LRRC37A2: variants seen among roughly 807,000 people sequenced by gnomAD.
LRRC37A2 encodes leucine rich repeat containing 37 member A2.
In LRRC37A2, 9 loss-of-function variants were observed where a neutral mutation model predicts 68.8. The ratio of observed to expected loss-of-function variants is 0.13; its 90% CI spans 0.08 to 0.23. The LOEUF (loss-of-function observed/expected upper bound fraction) is 0.23. Ranked by LOEUF, LRRC37A2 falls within the 10% of genes least tolerant of loss-of-function variation. LRRC37A2 has a pLI of 1.00. For synonymous variants in LRRC37A2, 63 were observed against 367.6 expected, an observed-to-expected ratio of 0.17 and a Z score of 9.48; for missense variants, 168 against 950.4, an observed-to-expected ratio of 0.18 and a Z score of 10.82.
chr17:46,718,968 T>C, the LRRC37A2 span, among the ~76,000 whole-genome samples: 2 of 152,216 alleles, frequency 1.3e-5, no homozygotes, highest in Non-Finnish European at 1.5e-5. Flanking sequence ...TCAAAACTCT[T>C]AGGTAAAAAA....
At chr17:46,835,401 C>T in the LRRC37A2 span, among the ~76,000 whole-genome samples, 3 of 152,034 alleles carry the variant, frequency 2.0e-5, no homozygotes, top group Non-Finnish European at 4.4e-5. Context: ...TTATTAGAGA[C>T]AGGGTTTCAC....
chr17:46,878,171 A>C, the LRRC37A2 span, among the ~76,000 whole-genome samples: 1 of 152,352 alleles, frequency 6.6e-6, no homozygotes. Flanking sequence ...GATGCCACCC[A>C]GGAGGAAGTG....
At chr17:47,004,722 G>T in the LRRC37A2 span, among the ~76,000 whole-genome samples, 1 of 152,254 alleles carries the variant, frequency 6.6e-6, no homozygotes, top group African/African-American at 2.4e-5. Context: ...TAGAGACAGC[G>T]TCTCACTATG....
At chr17:46,935,122 G>T in the LRRC37A2 span, 91 of 1,613,834 alleles carry the variant, frequency 5.6e-5, no homozygotes, top group Non-Finnish European at 7.6e-5. Flanking sequence ...CATTTTAGAT[G>T]GGCACAATAT....
the LRRC37A2 span, among the ~76,000 whole-genome samples, chr17:46,389,127 G>A: frequency 5.0e-5 from 7 of 140,726 alleles, no homozygotes; most frequent in Admixed American, 2.1e-4. Flanking sequence ...CCCAGGAGGC[G>A]GAGATTGCCG....
chr17:46,966,529 T>G, the LRRC37A2 span: 2 of 690,494 alleles, frequency 2.9e-6, no homozygotes, highest in African/African-American at 3.5e-5. Context: ...TTGTATTTTT[T>G]GCAGAGACAA....
the LRRC37A2 span, among the ~76,000 whole-genome samples, chr17:46,729,595 A>G: frequency 6.6e-6 from 1 of 152,166 alleles, no homozygotes; most frequent in Non-Finnish European, 1.5e-5. Flanking sequence ...GCTGTGTCAC[A>G]AGACATGAGT....
chr17:46,966,745 T>C, the LRRC37A2 span: 1 of 479,420 alleles, frequency 2.1e-6, no homozygotes. Context: ...TTGTGCCTTG[T>C]TTCATTAAGT....
At chr17:46,918,526 G>A in the LRRC37A2 span, among the ~76,000 whole-genome samples, 1 of 151,606 alleles carries the variant, frequency 6.6e-6, no homozygotes, top group African/African-American at 2.4e-5. Context: ...AAGTAATTAT[G>A]GTTTGCCATT....
chr17:46,860,078 A>G, the LRRC37A2 span, among the ~76,000 whole-genome samples: 1 of 152,226 alleles, frequency 6.6e-6, no homozygotes, highest in Non-Finnish European at 1.5e-5. Context: ...AAAGCCAAAC[A>G]TCGCTGATAA....
At chr17:46,847,800 A>G in the LRRC37A2 span, among the ~76,000 whole-genome samples, 1 of 152,196 alleles carries the variant, frequency 6.6e-6, no homozygotes, top group African/African-American at 2.4e-5. Context: ...CACAGGAGAT[A>G]TGGAGCCAAC....
chr17:46,918,596 GACACACACACAC>G, the LRRC37A2 span, among the ~76,000 whole-genome samples: 47,761 of 146,644 alleles, frequency 0.33, 8,465 homozygotes, highest in East Asian at 0.75. Context: ...ATAGCAGGCA[GACACACACACAC>G]ACACACACAC....
chr17:46,467,622 T>A, the LRRC37A2 span, among the ~76,000 whole-genome samples: 2 of 101,024 alleles, frequency 2.0e-5, 1 homozygote, highest in African/African-American at 7.6e-5. Context: ...AATTTCCAGT[T>A]CGATATTAAT....
chr17:46,908,032 C>T, the LRRC37A2 span, among the ~76,000 whole-genome samples: 5 of 152,068 alleles, frequency 3.3e-5, no homozygotes, highest in Admixed American at 6.5e-5. Flanking sequence ...CCTGGGTTAC[C>T]GACCCTCTAA....
the LRRC37A2 span, among the ~76,000 whole-genome samples, chr17:46,890,334 G>A: frequency 3.3e-5 from 5 of 152,176 alleles, no homozygotes; most frequent in Admixed American, 6.5e-5. Flanking sequence ...GGAAGAATTC[G>A]GGTCTGTGAG....
chr17:47,018,994 C>T, the LRRC37A2 span: 1 of 1,502,910 alleles, frequency 6.7e-7, no homozygotes, highest in South Asian at 1.1e-5. Flanking sequence ...GCTCAGCATC[C>T]AGTGTCACCC....
At chr17:46,703,701 A>AAAAC in the LRRC37A2 span, among the ~76,000 whole-genome samples, 18 of 148,592 alleles carry the variant, frequency 1.2e-4, no homozygotes, top group African/African-American at 4.2e-4. Context: ...AAAAAAAAAA[A>AAAAC]AAACAAAAAA....
chr17:46,623,318 A>C, the LRRC37A2 span, among the ~76,000 whole-genome samples: 1 of 54,542 alleles, frequency 1.8e-5, no homozygotes, highest in African/African-American at 1.1e-4. Context: ...ACTCCATCTC[A>C]AAAAAAAAAA....
the LRRC37A2 span, among the ~76,000 whole-genome samples, chr17:46,775,763 A>G: frequency 5.3e-5 from 8 of 151,554 alleles, no homozygotes; most frequent in South Asian, 1.7e-3. Flanking sequence ...ACAGGTGCCC[A>G]CCACCACGCC....
Sources: gnomAD v4.1 joint callset for allele counts (sites outside exome capture counted in the v4.1 genomes callset) on GRCh38, gnomAD v4.1.1 for gene constraint, MANE v1.5 for transcripts, NCBI Gene and HGNC (gene_info 2026-07-23, HGNC 2026-07-21) for gene names.